Variants in LRRC37B observed in about 807,000 individuals in gnomAD.
The protein encoded by LRRC37B is leucine rich repeat containing 37B.
Under a neutral mutation model 98.3 loss-of-function variants are expected in LRRC37B, and 28 were observed. That is an observed-to-expected ratio of 0.28 (90% CI 0.21 to 0.39). LRRC37B has a LOEUF of 0.39. LRRC37B is among the 10% of genes least tolerant of loss of function. The pLI, the probability that LRRC37B is intolerant of heterozygous loss-of-function variation, is 1.00. For missense variants in LRRC37B, 938 were observed against 1,182.7 expected (o/e 0.79, Z 3.03); for synonymous variants, 364 against 442.7 (o/e 0.82, Z 2.23).
chr17:32,038,843 G>A (rs954917337), intron 7 of LRRC37B, among the ~76,000 whole-genome samples: 9 of 152,316 alleles, frequency 5.9e-5, no homozygotes, highest in Admixed American at 5.2e-4. Flanking sequence ...GGGCAACAGA[G>A]TGAGACTCTG....
At chr17:32,030,596 A>G in intron 3 of LRRC37B, 60 bp from the exon 7 acceptor site, 2 of 1,395,996 alleles carry the variant, frequency 1.4e-6, no homozygotes, top group Non-Finnish European at 1.9e-6. Context: ...TCTTGCTATT[A>G]TTCATACCAG....
chr17:32,020,424 G>A (rs1910737388), upstream of LRRC37B, among the ~76,000 whole-genome samples: 1 of 152,122 alleles, frequency 6.6e-6, no homozygotes, highest in Non-Finnish European at 1.5e-5. Context: ...GCTGTGTTGA[G>A]TTAAGGCAGG....
chr17:32,047,946 C>T, intron 9 of LRRC37B, 45 bp downstream of exon 12: 2 of 1,614,030 alleles, frequency 1.2e-6, no homozygotes, highest in South Asian at 1.1e-5. Context: ...TAGCAGTGCA[C>T]TAAGTTACAT....
At chr17:32,009,267 C>CTT (rs758740393) in intron 1 of LRRC37B, among the ~76,000 whole-genome samples, 46 of 146,086 alleles carry the variant, frequency 3.1e-4, no homozygotes, top group African/African-American at 1.1e-3. Context: ...ATACTAAAAT[C>CTT]TTTTTTTTTT....
At chr17:32,029,451 G>A (rs1911053318) in intron 3 of LRRC37B, among the ~76,000 whole-genome samples, 1 of 152,104 alleles carries the variant, frequency 6.6e-6, no homozygotes, top group African/African-American at 2.4e-5. Flanking sequence ...ACATTAAGAA[G>A]AAGAAATGGA....
upstream of LRRC37B, chr17:32,020,700 A>G: frequency 2.6e-6 from 1 of 388,906 alleles, no homozygotes. Flanking sequence ...TTTGCAGGTC[A>G]GTTGCTCTCC....
exon 1 of LRRC37B, chr17:32,021,135 C>T (rs1910759367): frequency 6.2e-7 from 1 of 1,614,008 alleles, no homozygotes. Flanking sequence ...GTGCATAGCA[C>T]CAGCGTGTGT....
Position 32,042,246 on chromosome 17 carries a change from C to T in LRRC37B, c.2205-3454C>T, listed in dbSNP as rs544734054. 3.3e-3 allele frequency: 615 copies of T among 184,232 alleles called. 3 individuals are homozygous for T. The highest frequency in any genetic ancestry group is 5.0e-3 in the Non-Finnish European group (441 of 88,286). 11.4% of individuals were successfully genotyped at this position (184,232 alleles called of 1,614,324 possible). On this transcript the variant is annotated intron_variant, in intron 7 of 11. Coordinates refer to ENST00000327564, the Ensembl canonical transcript of LRRC37B. ...CTAGGGCCCTGCCTCCCAAGCCTTACCCTCACACACCAAGTACCTTTTCAG... is the reference window on the plus strand; with the variant it reads ...CTAGGGCCCTGCCTCCCAAGCCTTATCCTCACACACCAAGTACCTTTTCAG...
At chr17:32,044,891 T>TA in intron 7 of LRRC37B, among the ~76,000 whole-genome samples, 1 of 152,004 alleles carries the variant, frequency 6.6e-6, no homozygotes, top group East Asian at 1.9e-4. Context: ...CCTTGTCTCA[T>TA]AAAAAAATAA....
At chr17:32,007,904 A>G, upstream of LRRC37B, 1 of 799,334 alleles carries the variant, frequency 1.3e-6, no homozygotes, top group Non-Finnish European at 1.6e-6. The surrounding 1 kb of genome is among the most constrained non-coding windows in gnomAD (Gnocchi z 4.1). Context: ...CCTAGCCCGG[A>G]CCACCGCAGC....
At chr17:32,015,109 G>A (rs1217823160) in intron 1 of LRRC37B, among the ~76,000 whole-genome samples, 1 of 152,116 alleles carries the variant, frequency 6.6e-6, no homozygotes, top group Non-Finnish European at 1.5e-5. Flanking sequence ...CAGCCTGGGC[G>A]ACAGAGCGAC....
chr17:32,011,644 C>T (rs2142234792), intron 1 of LRRC37B, among the ~76,000 whole-genome samples: 1 of 151,974 alleles, frequency 6.6e-6, no homozygotes, highest in South Asian at 2.1e-4. Flanking sequence ...ATTACAGGCA[C>T]CCACCACCAC....
At chr17:32,038,002 C>T (rs1356772853) in intron 7 of LRRC37B, among the ~76,000 whole-genome samples, 1 of 152,028 alleles carries the variant, frequency 6.6e-6, no homozygotes, top group Non-Finnish European at 1.5e-5. Flanking sequence ...TGGCGGGCAC[C>T]TTTAGTCCCA....
At chr17:32,008,928 T>G (rs73282282) in intron 1 of LRRC37B, among the ~76,000 whole-genome samples, 1 of 152,362 alleles carries the variant, frequency 6.6e-6, no homozygotes, top group Non-Finnish European at 1.5e-5. Flanking sequence ...GTTTTTTGTA[T>G]GAACGCAGAC....
intron 7 of LRRC37B, among the ~76,000 whole-genome samples, chr17:32,037,022 C>G (rs868041719): frequency 1.8e-5 from 2 of 112,376 alleles, no homozygotes; most frequent in African/African-American, 3.4e-5. Flanking sequence ...CAGTCTTGCT[C>G]TATCCCCAGG....
At chr17:32,031,265 T>C (rs936704391) in intron 4 of LRRC37B, 113 bp from the exon 8 acceptor site, 68 of 1,498,742 alleles carry the variant, frequency 4.5e-5, no homozygotes, top group Non-Finnish European at 5.5e-5. Context: ...ATTGCCTTAG[T>C]GCACAGAGAA....
At chr17:32,049,670 C>T (rs1911691150) in intron 10 of LRRC37B, among the ~76,000 whole-genome samples, 1 of 152,088 alleles carries the variant, frequency 6.6e-6, no homozygotes, top group Middle Eastern at 3.2e-3. Context: ...AGTTTAAGAC[C>T]AGCTCGGCCA....
chr17:32,014,249 C>T (rs1598200799), intron 1 of LRRC37B, among the ~76,000 whole-genome samples: 2 of 151,998 alleles, frequency 1.3e-5, no homozygotes, highest in African/African-American at 2.4e-5. Flanking sequence ...AGGCTATGGC[C>T]CACAATGAAG....
At chr17:32,041,970 G>A (rs901216189) in intron 7 of LRRC37B, 5 of 368,502 alleles carry the variant, frequency 1.4e-5, no homozygotes, top group Non-Finnish European at 2.7e-5. Flanking sequence ...CTGTGGGGTG[G>A]CTCAGAGACA....
Sources: allele counts gnomAD v4.1 joint callset (sites outside exome capture counted in the v4.1 genomes callset), GRCh38; gene constraint gnomAD v4.1.1; non-coding constraint Gnocchi (gnomAD v3.1); transcripts MANE v1.5; gene names NCBI Gene and HGNC (gene_info 2026-07-23, HGNC 2026-07-21).